LRRC75A: variants seen among roughly 807,000 people sequenced by gnomAD.
LRRC75A encodes leucine rich repeat containing 75A, also known as leucine-rich repeat-containing protein 75A.
A neutral mutation model predicts 26.0 loss-of-function variants in LRRC75A; 12 were observed. The ratio of observed to expected loss-of-function variants is 0.46; its 90% CI spans 0.30 to 0.75. The LOEUF is 0.75. Ranked by LOEUF, LRRC75A falls within the 30% of genes least tolerant of loss-of-function variation. LRRC75A has a pLI of 0.08. For missense variants in LRRC75A, 410 were observed against 486.6 expected, an observed-to-expected ratio of 0.84 and a Z score of 1.48; for synonymous variants, 223 against 219.3, an observed-to-expected ratio of 1.02 and a Z score of -0.15.
chr17:16,492,088 G>T lies in LRRC75A; in HGVS notation c.-98C>A. 9.8e-7 allele frequency: 1 copy of T among 1,023,868 alleles called. No homozygotes were observed. Among genetic ancestry groups the T allele is most frequent in the Non-Finnish European group, 1.2e-6 (1 of 853,190 alleles). 63.4% of individuals were successfully genotyped at this position (1,023,868 alleles called of 1,614,324 possible). ...CCGCCCGTGCGCGCTCGCCTCCCGG[G>T]CTGCAACTTTGGGGGAACTGTTGCG... is the stretch of plus-strand genomic sequence containing the variant. On this transcript the variant is annotated 5_prime_UTR_variant, in exon 1 of 4. Transcript: ENST00000470794.
Position 16,470,273 on chromosome 17 carries a change from A to T in LRRC75A, c.247-7887T>A, listed in dbSNP as rs184554928. The T allele has an allele frequency of 8.5e-5, 13 of 152,282 alleles. No individual in the cohort carries two copies. The East Asian group carries it at 2.5e-3, about 30-fold the overall frequency. 9.4% of individuals were successfully genotyped at this position (152,282 alleles called of 1,614,324 possible). On this transcript the variant is annotated intron_variant, in intron 1 of 3. Transcript: ENST00000470794. The stretch of plus-strand genomic sequence containing the variant: ...TCCCAGAAGGAAGGCCCCGCGGGAA[A>T]TTAGCTTTCATTTGTCTCTCTCCTC...
chr17:16,488,144 C>T (rs1267162514), intron 1 of LRRC75A, among the ~76,000 whole-genome samples: 9 of 152,160 alleles, frequency 5.9e-5, no homozygotes, highest in African/African-American at 1.2e-4. Context: ...CTCTCAATGG[C>T]GGAAGGTTAT....
chr17:16,491,918 CGCGTCGGGGGCCCGGCGCG>C lies in LRRC75A; in HGVS notation c.54_72del (p.Ala19AsnfsTer67). ...AGCGACGCCCAGAAGTCCGGCCGTT[CGCGTCGGGGGCCCGGCGCG>C]GCGCCGGGGCTGGCTCTCTCCGCCA... On this transcript the variant is annotated frameshift_variant, in exon 1 of 4. Coordinates refer to ENST00000470794, the MANE Select transcript of LRRC75A (RefSeq NM_001113567.3). LOFTEE classifies it high-confidence loss of function. This position sits in a 1 kb window ranked among gnomAD's most constrained non-coding sequence, Gnocchi z 5.9. 7.9e-7 allele frequency: 1 copy of C among 1,266,002 alleles called. No homozygotes were observed. The highest frequency in any genetic ancestry group is 2.5e-5 in the South Asian group (1 of 40,500). The allele number at this position is 1,266,002 out of a possible 1,614,324, so 78.4% of individuals were successfully genotyped here. A position where few individuals can be genotyped will look rare whatever the true frequency, so the allele number is the denominator to read the frequency against.
chr17:16,450,805 A>C (rs2093625200), intron 2 of LRRC75A, among the ~76,000 whole-genome samples: 1 of 152,136 alleles, frequency 6.6e-6, no homozygotes, highest in Admixed American at 6.5e-5. Flanking sequence ...ACTCAGGGCC[A>C]GGCTATTGGA....
intron 1 of LRRC75A, among the ~76,000 whole-genome samples, chr17:16,465,621 G>A (rs1224901827): frequency 1.3e-5 from 2 of 152,152 alleles, no homozygotes; most frequent in East Asian, 3.8e-4. Flanking sequence ...CATCTTCCTG[G>A]ACCCCCTACA....
At chr17:16,444,941 C>T (rs534541313) in intron 3 of LRRC75A, among the ~76,000 whole-genome samples, 7 of 151,422 alleles carry the variant, frequency 4.6e-5, no homozygotes, top group Admixed American at 6.6e-5. Flanking sequence ...CTCTGCCTCC[C>T]GGGCTCAAGT....
In LRRC75A at chr17:16,443,637, G is replaced by T. The variant is rs554983020; in HGVS notation, c.986C>A (p.Ala329Asp). Reference sequence around the variant, plus strand: ...CTCCTTGCCCTCATGGTGGTCTTCGGCAGGTGCCACAGGGCCCCCTCCAGG... The same window carrying T: ...CTCCTTGCCCTCATGGTGGTCTTCGTCAGGTGCCACAGGGCCCCCTCCAGG... ...EDPGGGPVAP[A>D]EDHHEGKETV... Residue 329 changes from alanine to aspartate, a missense_variant, in exon 4 of 4, where the codon GCC (alanine) becomes GAC (aspartate). By Grantham distance (126) the Ala-to-Asp change is moderately radical. Coordinates refer to ENST00000470794, the MANE Select transcript of LRRC75A (RefSeq NM_001113567.3). 5 of 1,552,540 alleles carry T rather than the reference G, an allele frequency of 3.2e-6. No homozygotes were observed. Among genetic ancestry groups the T allele is most frequent in the Admixed American group, 2.0e-5 (1 of 51,152 alleles).
rs1437460643 is a variant in LRRC75A at position 16,444,008 on chromosome 17, G to T, written c.615C>A (p.Asp205Glu). ...SYLQRCGEQV[D>E]SVELGFTGLT... ...GGCCTGTGAAGCCCAGCTCCACGCT[G>T]TCTACCTGCTCCCCACAGCGCTGTA... The change falls in exon 4 of 4, where the codon GAC (aspartate) becomes GAA (glutamate). Residue 205 changes from aspartate (D) to glutamate (E), a missense_variant. Asp to Glu is a conservative substitution (Grantham distance 45). Coordinates refer to ENST00000470794, the MANE Select transcript of LRRC75A (RefSeq NM_001113567.3). 2 of 1,613,920 alleles carry T rather than the reference G, an allele frequency of 1.2e-6. No individual in the cohort carries two copies. The highest frequency in any genetic ancestry group is 1.7e-6 in the Non-Finnish European group (2 of 1,180,010).
intron 1 of LRRC75A, among the ~76,000 whole-genome samples, chr17:16,475,678 T>A (rs993834598): frequency 1.7e-4 from 26 of 152,102 alleles, no homozygotes; most frequent in African/African-American, 6.3e-4. Context: ...GGGAGGCTGA[T>A]CCTCCTGCCT....
chr17:16,480,026 C>T (rs1292323765), intron 1 of LRRC75A, among the ~76,000 whole-genome samples: 1 of 152,128 alleles, frequency 6.6e-6, no homozygotes, highest in Non-Finnish European at 1.5e-5. Flanking sequence ...CATAGGAGCA[C>T]AAACCCTATT....
At chr17:16,452,509 C>A (rs1363034335) in intron 2 of LRRC75A, among the ~76,000 whole-genome samples, 1 of 151,748 alleles carries the variant, frequency 6.6e-6, no homozygotes, top group African/African-American at 2.4e-5. Flanking sequence ...GCGGTCTTGG[C>A]TCACTGCAAC....
At position 16,443,561 on chromosome 17, in the gene LRRC75A, TC is replaced by T. The variant is rs1158199277; in HGVS notation, c.*26del. 1.4e-5 allele frequency: 21 copies of T among 1,483,084 alleles called. No individual in the cohort carries two copies. In the Admixed American group the frequency reaches 2.7e-4, roughly 19 times the overall value. The allele number at this position is 1,483,084 out of a possible 1,614,324, so 91.9% of individuals were successfully genotyped here. A position where few individuals can be genotyped will look rare whatever the true frequency, so the allele number is the denominator to read the frequency against. On this transcript the variant is annotated 3_prime_UTR_variant, in exon 4 of 4. Transcript: ENST00000470794. ...CTTGCCCATTCTACCCAACAAGGAC[TC>T]CCTGGTGAGGCCCTTCACTTCCATG...
chr17:16,488,126 C>T lies in LRRC75A; in HGVS notation c.246+3619G>A, dbSNP rs564340625. Among the ~76,000 whole-genome samples the T allele has an allele frequency of 1.4e-4, 21 of 152,350 alleles. 1 individual carries two copies. In the South Asian group the frequency reaches 4.1e-3, roughly 30 times the overall value. On this transcript the variant is annotated intron_variant, in intron 1 of 3. Coordinates refer to ENST00000470794, the MANE Select transcript of LRRC75A (RefSeq NM_001113567.3). ...AGCTCACCCTCAAGGTGGCCTGGCA[C>T]TTGCCCTCTCTCAATGGCGGAAGGT...
At chr17:16,453,322 ACACACGCACACGCACACACGCACACG>A (rs1336315810) in intron 2 of LRRC75A, among the ~76,000 whole-genome samples, 1 of 139,278 alleles carries the variant, frequency 7.2e-6, no homozygotes, top group Non-Finnish European at 1.6e-5. Context: ...GCACACACGC[ACACACGCACACGCACACACGCACACG>A]CACACACACA....
chr17:16,455,848 G>C (rs2093672752), intron 2 of LRRC75A, among the ~76,000 whole-genome samples: 1 of 152,202 alleles, frequency 6.6e-6, no homozygotes, highest in African/African-American at 2.4e-5. Flanking sequence ...TGCCCTCCTT[G>C]TGAGAAATCC....
rs530184923 is a variant in LRRC75A, at chr17:16,465,914, T to C, written c.247-3528A>G. ...TCCTAGAAAGGCAGCTCAGGGTCAC[T>C]GTGAGTCACGGCCAACACCGGCCCG... On this transcript the variant is annotated intron_variant, in intron 1 of 3. Coordinates refer to ENST00000470794, the MANE Select transcript of LRRC75A (RefSeq NM_001113567.3). Among the ~76,000 whole-genome samples, 5 of 152,324 alleles carry C rather than the reference T, an allele frequency of 3.3e-5. No individual in the cohort carries two copies. The East Asian group carries it at 9.6e-4, about 29-fold the overall frequency.
At chr17:16,490,052 C>T (rs1429244100) in intron 1 of LRRC75A, among the ~76,000 whole-genome samples, 2 of 152,216 alleles carry the variant, frequency 1.3e-5, no homozygotes, top group Non-Finnish European at 2.9e-5. Context: ...GAATCACACT[C>T]AGCCCTACAG....
chr17:16,460,014 T>C (rs1376683937), intron 2 of LRRC75A, among the ~76,000 whole-genome samples: 1 of 152,180 alleles, frequency 6.6e-6, no homozygotes, highest in African/African-American at 2.4e-5. Context: ...AATTCACGTG[T>C]TGAAACCTAA....
chr17:16,465,825 T>C (rs2093764070), intron 1 of LRRC75A, among the ~76,000 whole-genome samples: 1 of 152,138 alleles, frequency 6.6e-6, no homozygotes, highest in Non-Finnish European at 1.5e-5. Context: ...TCTGGGTTCA[T>C]GTGGTTGTTG....
Sources: gnomAD v4.1 joint callset for allele counts (sites outside exome capture counted in the v4.1 genomes callset) on GRCh38, gnomAD v4.1.1 for gene constraint, Gnocchi (gnomAD v3.1) non-coding constraint, MANE v1.5 for transcripts, NCBI Gene and HGNC (gene_info 2026-07-23, HGNC 2026-07-21) for gene names.